The following FERMT2 variants were observed in gnomAD, a reference collection of about 807,000 sequenced individuals.
The protein encoded by FERMT2 is fermitin family homolog 2.
FERMT2 carries 15 observed loss-of-function variants against 82.7 expected under a neutral mutation model. That is an observed-to-expected ratio of 0.18 (90% CI 0.12 to 0.28). The LOEUF is 0.28. Among genes scored for constraint, FERMT2 ranks in the 10% least tolerant of loss-of-function variants. The pLI is 1.00. For synonymous variants in FERMT2, 274 were observed against 271.5 expected (o/e 1.01, Z -0.09); for missense variants, 645 against 809.4 (o/e 0.80, Z 2.46).
At chr14:52,912,298 T>C (rs1888363086) in intron 3 of FERMT2, among the ~76,000 whole-genome samples, 1 of 152,180 alleles carries the variant, frequency 6.6e-6, no homozygotes, top group Non-Finnish European at 1.5e-5. Flanking sequence ...TATTCTCTAA[T>C]ATATCTACAA....
intron 2 of FERMT2, among the ~76,000 whole-genome samples, chr14:52,931,967 T>A (rs895733534): frequency 6.6e-6 from 1 of 152,172 alleles, no homozygotes; most frequent in Admixed American, 6.5e-5. Context: ...AGGCAGAGGT[T>A]GCAGTGAGCC....
intron 2 of FERMT2, among the ~76,000 whole-genome samples, chr14:52,928,863 G>C (rs1393473279): frequency 6.6e-6 from 1 of 152,152 alleles, no homozygotes; most frequent in African/African-American, 2.4e-5. Flanking sequence ...ATGAAAAAGT[G>C]TCTCTTCCTG....
rs142217969 is a variant in FERMT2 at position 52,903,648 on chromosome 14, G to C, written c.392-10221C>G. Among the ~76,000 whole-genome samples the C allele has an allele frequency of 7.9e-4, 120 of 151,928 alleles. 1 individual carries two copies. Among genetic ancestry groups the C allele is most frequent in the African/African-American group, 2.1e-3 (87 of 41,500 alleles). ...TTTAACAATGACTTCCAAATTCTGAGAGAAAAATAATTTTTGATCCAACAA... is the reference window on the plus strand; with the variant it reads ...TTTAACAATGACTTCCAAATTCTGACAGAAAAATAATTTTTGATCCAACAA... On this transcript the variant is annotated intron_variant, in intron 3 of 14. Transcript: ENST00000341590.
intron 2 of FERMT2, among the ~76,000 whole-genome samples, chr14:52,923,300 C>T (rs1218182069): frequency 6.6e-6 from 1 of 151,962 alleles, no homozygotes; most frequent in African/African-American, 2.4e-5. Context: ...AGCCACACTA[C>T]TCTGTTCACA....
At chr14:52,861,370 C>A in intron 12 of FERMT2, 1 of 268,636 alleles carries the variant, frequency 3.7e-6, no homozygotes, top group Non-Finnish European at 6.9e-6. Context: ...CATCGTGTAC[C>A]CAGTTACATC....
rs767332144 is a variant in FERMT2 at position 52,858,569 on chromosome 14, C to G, written c.1870-19G>C. The G allele has an allele frequency of 6.8e-6, 11 of 1,612,738 alleles. No individual in the cohort carries two copies. The highest frequency in any genetic ancestry group is 1.3e-5 in the African/African-American group (1 of 75,026). ...CGGTGACCTGGAACAAAGACAAGAGCCATCAGTGCTGTCCCAAATGCTAGG... is the reference window on the plus strand; with the variant it reads ...CGGTGACCTGGAACAAAGACAAGAGGCATCAGTGCTGTCCCAAATGCTAGG... On this transcript the variant is annotated intron_variant, in intron 14 of 14. Transcript: ENST00000341590.
chr14:52,917,558 G>A (rs752997756), intron 3 of FERMT2, among the ~76,000 whole-genome samples: 3 of 151,638 alleles, frequency 2.0e-5, no homozygotes, highest in Non-Finnish European at 2.9e-5. Context: ...AATTTCAAGG[G>A]CATTAGATCA....
rs113467351 is a variant in FERMT2 at position 52,950,536 on chromosome 14, G to A, written c.33C>T (p.Gly11=). Residue 11 remains glycine, a synonymous_variant, in exon 2 of 15, where the codon GGC becomes GGT. Transcript: ENST00000341590. MALDGIRMPD[G]CYADGTWELS... Reference sequence around the variant, plus strand: ...GTTCCCACGTCCCGTCCGCGTAGCAGCCATCTGGCATCCTTATCCCGTCCA... The same window carrying A: ...GTTCCCACGTCCCGTCCGCGTAGCAACCATCTGGCATCCTTATCCCGTCCA... 1,562 of 1,614,162 alleles carry A rather than the reference G, an allele frequency of 9.7e-4. 12 individuals are homozygous for A. The African/African-American group carries it at 0.019, about 20-fold the overall frequency.
chr14:52,874,541 G>A (rs1271522400), intron 8 of FERMT2, among the ~76,000 whole-genome samples: 2 of 152,054 alleles, frequency 1.3e-5, no homozygotes, highest in African/African-American at 4.8e-5. Flanking sequence ...ATTGTAAAAG[G>A]CCTGAAGTGT....
intron 7 of FERMT2, among the ~76,000 whole-genome samples, chr14:52,875,568 A>C (rs1885902955): frequency 6.6e-6 from 1 of 152,222 alleles, no homozygotes; most frequent in Non-Finnish European, 1.5e-5. Flanking sequence ...GTCTTTGGAC[A>C]CATACCAATG....
intron 2 of FERMT2, among the ~76,000 whole-genome samples, chr14:52,920,205 A>G (rs191702921): frequency 1.2e-4 from 18 of 152,360 alleles, no homozygotes; most frequent in Admixed American, 1.2e-3. Context: ...TTTACTTATG[A>G]CTAGGATAGG....
intron 9 of FERMT2, among the ~76,000 whole-genome samples, chr14:52,873,976 T>C (rs1052108646): frequency 6.6e-6 from 1 of 151,934 alleles, no homozygotes; most frequent in African/African-American, 2.4e-5. Context: ...AAGAAAAATC[T>C]GATAAAAGAA....
intron 4 of FERMT2, among the ~76,000 whole-genome samples, chr14:52,889,852 CAGGTGTTGGCTCATGCT>C (rs2139530392): frequency 6.6e-6 from 1 of 152,248 alleles, no homozygotes; most frequent in Non-Finnish European, 1.5e-5. Flanking sequence ...AATACAGGGC[CAGGTGTTGGCTCATGCT>C]TGTAATCGCA....
chr14:52,915,915 C>G (rs1447298343), intron 3 of FERMT2, among the ~76,000 whole-genome samples: 1 of 152,188 alleles, frequency 6.6e-6, no homozygotes, highest in Non-Finnish European at 1.5e-5. Flanking sequence ...GACGAACAGA[C>G]ATATGTCCAC....
chr14:52,923,560 C>A (rs992114867), intron 2 of FERMT2, among the ~76,000 whole-genome samples: 3 of 151,958 alleles, frequency 2.0e-5, no homozygotes, highest in African/African-American at 7.3e-5. Flanking sequence ...TGATACTCAT[C>A]CTTCCCTTTA....
At chr14:52,901,280 CAA>C (rs10638877) in intron 3 of FERMT2, among the ~76,000 whole-genome samples, 242 of 57,244 alleles carry the variant, frequency 4.2e-3, no homozygotes, top group African/African-American at 0.017. Flanking sequence ...GACTCTGTCT[CAA>C]AAAAAAAAAA....
At chr14:52,893,739 T>A (rs970544375) in intron 3 of FERMT2, among the ~76,000 whole-genome samples, 1 of 152,188 alleles carries the variant, frequency 6.6e-6, no homozygotes, top group Admixed American at 6.5e-5. Context: ...ATTGAGTTTA[T>A]ATGTCCTTCA....
intron 3 of FERMT2, among the ~76,000 whole-genome samples, chr14:52,905,207 AGAGTT>A (rs1367407978): frequency 1.3e-5 from 2 of 151,096 alleles, no homozygotes; most frequent in Non-Finnish European, 2.9e-5. Flanking sequence ...AAAAAAAGAA[AGAGTT>A]GAGTGGAAAA....
intron 2 of FERMT2, among the ~76,000 whole-genome samples, chr14:52,925,540 C>T (rs1889210852): frequency 7.5e-6 from 1 of 133,058 alleles, no homozygotes; most frequent in South Asian, 2.4e-4. Flanking sequence ...GCCTGGGCAA[C>T]ACAGCAAGAC....
Sources: allele counts gnomAD v4.1 joint callset (sites outside exome capture counted in the v4.1 genomes callset), GRCh38; gene constraint gnomAD v4.1.1; transcripts MANE v1.5; gene names NCBI Gene and HGNC (gene_info 2026-07-23, HGNC 2026-07-21).